Variants in ADARB2 observed in about 807,000 individuals in gnomAD.
ADARB2 encodes adenosine deaminase RNA specific B2 (inactive), also known as inactive double-stranded RNA-specific editase B2.
ADARB2 carries 25 observed loss-of-function variants against 62.2 expected under a neutral mutation model. The observed-to-expected ratio is 0.40, with a 90% CI of 0.29 to 0.56. The LOEUF (loss-of-function observed/expected upper bound fraction) is 0.56. Among genes scored for constraint, ADARB2 ranks in the 20% least tolerant of loss-of-function variants. The probability of loss-of-function intolerance (pLI) is 0.43; values close to 1 mark genes in which losing one functional copy is unlikely to be tolerated. For missense variants in ADARB2, 1,071 were observed against 1,077.4 expected (o/e 0.99, Z 0.08); for synonymous variants, 572 against 500.8 (o/e 1.14, Z -1.90).
intron 3 of ADARB2, among the ~76,000 whole-genome samples, chr10:1,320,467 G>T (rs1831785107): frequency 6.6e-6 from 1 of 152,218 alleles, no homozygotes; most frequent in African/African-American, 2.4e-5. Context: ...GCTCAGGCAA[G>T]ACCTCAATTT....
At chr10:1,677,152 A>C (rs944349019) in intron 1 of ADARB2, among the ~76,000 whole-genome samples, 5 of 152,224 alleles carry the variant, frequency 3.3e-5, no homozygotes, top group African/African-American at 1.2e-4. Flanking sequence ...TGGAGTGGAA[A>C]ACCTGCACAT....
At chr10:1,262,356 A>G (rs1016472331) in intron 4 of ADARB2, among the ~76,000 whole-genome samples, 4 of 150,688 alleles carry the variant, frequency 2.7e-5, no homozygotes, top group Non-Finnish European at 5.9e-5. Context: ...GGCAGCCTAC[A>G]GAATGGGAGA....
At chr10:1,212,372 C>T (rs1389689089) in intron 7 of ADARB2, among the ~76,000 whole-genome samples, 1 of 152,238 alleles carries the variant, frequency 6.6e-6, no homozygotes, top group Non-Finnish European at 1.5e-5. Context: ...TGAAACAGCT[C>T]CTGCCTTAGC....
intron 1 of ADARB2, among the ~76,000 whole-genome samples, chr10:1,487,820 T>C (rs764364912): frequency 9.2e-5 from 14 of 152,158 alleles, no homozygotes; most frequent in Non-Finnish European, 1.5e-4. Context: ...AGTGTGGTGG[T>C]AGCTCTTCAC....
At chr10:1,218,923 G>A (rs1324834526) in intron 6 of ADARB2, among the ~76,000 whole-genome samples, 4 of 151,694 alleles carry the variant, frequency 2.6e-5, no homozygotes, top group Non-Finnish European at 4.4e-5. Flanking sequence ...GGTGGCGGGC[G>A]CCTGTAGTCC....
chr10:1,179,931 A>G lies in ADARB2; in HGVS notation c.*3262T>C, dbSNP rs1165747971. On this transcript the variant is annotated 3_prime_UTR_variant, in exon 10 of 10. Transcript: ENST00000381312. ...GGTGACAGAAAGTGACCCATCCCCT[A>G]CTTGTGTCGTGCCCAGCGTATTTTC... The G allele has an allele frequency of 7.0e-6, 1 of 143,020 alleles. No individual in the cohort carries two copies. Among genetic ancestry groups the G allele is most frequent in the Non-Finnish European group, 1.5e-5 (1 of 67,782 alleles). 8.9% of individuals were successfully genotyped at this position (143,020 alleles called of 1,614,324 possible).
chr10:1,675,956 G>T, intron 1 of ADARB2: 2 of 960,984 alleles, frequency 2.1e-6, no homozygotes, highest in Non-Finnish European at 2.5e-6. Flanking sequence ...TTGGAGCCCA[G>T]TTAGATGAAG....
chr10:1,480,557 C>G (rs915836775), intron 1 of ADARB2, among the ~76,000 whole-genome samples: 5 of 151,958 alleles, frequency 3.3e-5, no homozygotes, highest in East Asian at 1.9e-4. Context: ...AATTAGCTGG[C>G]CGTGGTGGCT....
At chr10:1,284,495 C>T (rs140297019) in intron 3 of ADARB2, among the ~76,000 whole-genome samples, 2 of 152,328 alleles carry the variant, frequency 1.3e-5, no homozygotes, top group African/African-American at 4.8e-5. Context: ...ACCCACAGCA[C>T]GGGTAGCACC....
chr10:1,293,924 T>G (rs1831500780), intron 3 of ADARB2, among the ~76,000 whole-genome samples: 1 of 152,076 alleles, frequency 6.6e-6, no homozygotes, highest in Admixed American at 6.6e-5. Context: ...GGCAATGTCT[T>G]TCTCGCAGCA....
At chr10:1,651,692 A>G (rs932903915) in intron 1 of ADARB2, among the ~76,000 whole-genome samples, 1 of 151,862 alleles carries the variant, frequency 6.6e-6, no homozygotes, top group Non-Finnish European at 1.5e-5. Context: ...GAATAAATGA[A>G]GACAGCAGAC....
Position 1,242,187 on chromosome 10 carries a change from G to A in ADARB2, c.1305C>T (p.Val435=), listed in dbSNP as rs1351868835. ...AGTGCAGGAACGCCCGCCGGGCCACGACCTCCGCGTGGCAGTCATTCACCA... is the reference window on the plus strand; with the variant it reads ...AGTGCAGGAACGCCCGCCGGGCCACAACCTCCGCGTGGCAGTCATTCACCA... ...GLVVNDCHAE[V]VARRAFLHFL... is the part of the protein sequence containing the mutation. Residue 435 remains valine, a synonymous_variant, in exon 5 of 10, where the codon GTC becomes GTT. Transcript: ENST00000381312. 1.1e-5 allele frequency: 17 copies of A among 1,610,486 alleles called. No homozygotes were observed. The Middle Eastern group carries it at 4.9e-4, about 47-fold the overall frequency.
rs113864550 is a variant in ADARB2 at position 1,263,246 on chromosome 10, C to T, written c.1192+7709G>A. Among the ~76,000 whole-genome samples, 504 of 152,092 alleles carry T rather than the reference C, an allele frequency of 3.3e-3. 2 individuals carry two copies. The highest frequency in any genetic ancestry group is 0.011 in the African/African-American group (461 of 41,500). ...TGTATACATATGTAACAAACCTGCA[C>T]GTTGTGCACATGTACCCTAAAACTT... On this transcript the variant is annotated intron_variant, in intron 4 of 9. Coordinates refer to ENST00000381312, the MANE Select transcript of ADARB2 (RefSeq NM_018702.4).
At chr10:1,188,542 T>A (rs1317933552) in intron 8 of ADARB2, among the ~76,000 whole-genome samples, 2 of 151,658 alleles carry the variant, frequency 1.3e-5, no homozygotes, top group East Asian at 3.9e-4. Context: ...TGTGTTCTGC[T>A]GGCAAAAGAA....
chr10:1,401,000 G>A (rs1361416885), intron 1 of ADARB2, among the ~76,000 whole-genome samples: 1 of 152,150 alleles, frequency 6.6e-6, no homozygotes, highest in Non-Finnish European at 1.5e-5. Context: ...AACCTTAACC[G>A]CTGGGGCCCC....
At chr10:1,415,495 C>CAGT (rs59540693) in intron 1 of ADARB2, among the ~76,000 whole-genome samples, 1 of 151,816 alleles carries the variant, frequency 6.6e-6, no homozygotes, top group Non-Finnish European at 1.5e-5. Flanking sequence ...CATGAGTTGG[C>CAGT]CAGATAAACA....
rs1479992914 is a variant in ADARB2 at position 1,678,035 on chromosome 10, A to G, written c.100+59016T>C. On this transcript the variant is annotated intron_variant, in intron 1 of 9. Transcript: ENST00000381312. ...ACTTGGATTCTGACATCCAGGAGAC[A>G]CCAAGGGAACAAACTGGATAATTGG... The G allele has an allele frequency of 1.6e-5, 6 of 381,504 alleles. No individual in the cohort carries two copies. In the South Asian group the frequency reaches 6.4e-4, roughly 41 times the overall value. The allele number at this position is 381,504 out of a possible 1,614,324, so 23.6% of individuals were successfully genotyped here. A position where few individuals can be genotyped will look rare whatever the true frequency, so the allele number is the denominator to read the frequency against.
intron 1 of ADARB2, among the ~76,000 whole-genome samples, chr10:1,437,625 A>T (rs902802946): frequency 6.6e-6 from 1 of 152,162 alleles, no homozygotes; most frequent in Non-Finnish European, 1.5e-5. Flanking sequence ...TAAGGCAAGA[A>T]ATATGGGAAG....
At chr10:1,565,010 G>C (rs1159514963) in intron 1 of ADARB2, among the ~76,000 whole-genome samples, 1 of 152,170 alleles carries the variant, frequency 6.6e-6, no homozygotes, top group Non-Finnish European at 1.5e-5. Context: ...GGGGGCCGAC[G>C]TGCAGCAGCA....
Sources: gnomAD v4.1 joint callset for allele counts (sites outside exome capture counted in the v4.1 genomes callset) on GRCh38, gnomAD v4.1.1 for gene constraint, MANE v1.5 for transcripts, NCBI Gene and HGNC (gene_info 2026-07-23, HGNC 2026-07-21) for gene names.